The following UGGT2 variants were observed in gnomAD, a reference collection of about 807,000 sequenced individuals.
The protein encoded by UGGT2 is UDP-glucose:glycoprotein glucosyltransferase 2.
Under a neutral mutation model 192.1 loss-of-function variants are expected in UGGT2, and 180 were observed. The ratio of observed to expected loss-of-function variants is 0.94; its 90% CI spans 0.83 to 1.06. UGGT2 has a LOEUF of 1.06. Ranked by LOEUF, UGGT2 falls within the 50% of genes least tolerant of loss-of-function variation. The pLI is 0.00. For missense variants in UGGT2, 1,849 were observed against 1,795.7 expected (o/e 1.03, Z -0.54); for synonymous variants, 580 against 591.0 (o/e 0.98, Z 0.27).
At chr13:95,834,757 A>G (rs564277804) in intron 37 of UGGT2, among the ~76,000 whole-genome samples, 9 of 152,138 alleles carry the variant, frequency 5.9e-5, no homozygotes, top group Admixed American at 5.9e-4. Context: ...CAGGAATGCC[A>G]TTTCTCAGCT....
chr13:95,999,585 T>C (rs1168318617), intron 5 of UGGT2, among the ~76,000 whole-genome samples: 1 of 152,216 alleles, frequency 6.6e-6, no homozygotes, highest in Non-Finnish European at 1.5e-5. Context: ...CTTTTCCTGT[T>C]ATAACATGTC....
intron 23 of UGGT2, 23 bp from the exon 24 acceptor site, chr13:95,894,680 GTA>G (rs1447028101): frequency 1.9e-6 from 3 of 1,585,144 alleles, no homozygotes; most frequent in Non-Finnish European, 2.6e-6. Flanking sequence ...GACAAACAGT[GTA>G]TGAGTTTTTT....
At chr13:96,004,582 A>C (rs2051911239) in intron 5 of UGGT2, among the ~76,000 whole-genome samples, 1 of 152,112 alleles carries the variant, frequency 6.6e-6, no homozygotes. Context: ...GGTTAGTTAC[A>C]TATGTGCAGG....
intron 1 of UGGT2, among the ~76,000 whole-genome samples, chr13:96,035,414 AG>A (rs1267390725): frequency 6.6e-6 from 1 of 152,230 alleles, no homozygotes; most frequent in Non-Finnish European, 1.5e-5. Flanking sequence ...AATTAACTCA[AG>A]ATGAATTAGA....
chr13:95,893,080 T>C (rs2047847778), intron 24 of UGGT2, among the ~76,000 whole-genome samples: 1 of 152,150 alleles, frequency 6.6e-6, no homozygotes, highest in African/African-American at 2.4e-5. Flanking sequence ...AAAATATAAT[T>C]GTTTTTTCTC....
At chr13:95,867,682 A>G (rs761582278) in intron 29 of UGGT2, among the ~76,000 whole-genome samples, 7 of 152,184 alleles carry the variant, frequency 4.6e-5, no homozygotes, top group Non-Finnish European at 8.8e-5. Context: ...AATCACTCTG[A>G]AAGTTCAAAT....
Position 95,801,670 on chromosome 13 carries a change from A to G in UGGT2, c.*120T>C. ...TAAATAATTACAATTTTTTAAAATT[A>G]AAGAATATGTCACTGATCTTAACGA... is the stretch of plus-strand genomic sequence containing the variant. On this transcript the variant is annotated 3_prime_UTR_variant, in exon 39 of 39. Transcript: ENST00000376747. 2.1e-6 allele frequency: 2 copies of G among 952,774 alleles called. No individual in the cohort carries two copies. The highest frequency in any genetic ancestry group is 3.1e-6 in the Non-Finnish European group (2 of 639,450). 59.0% of individuals were successfully genotyped at this position (952,774 alleles called of 1,614,324 possible).
chr13:96,022,326 C>T (rs941949543), intron 4 of UGGT2, among the ~76,000 whole-genome samples: 6 of 151,746 alleles, frequency 4.0e-5, no homozygotes, highest in African/African-American at 1.2e-4. Context: ...CAATCAGGTT[C>T]GGGAAAAACT....
intron 31 of UGGT2, among the ~76,000 whole-genome samples, chr13:95,861,847 T>C (rs1363468648): frequency 2.0e-5 from 3 of 149,318 alleles, no homozygotes; most frequent in African/African-American, 7.7e-5. Context: ...AAAACTAAGA[T>C]GAAAAAAGTC....
intron 17 of UGGT2, among the ~76,000 whole-genome samples, chr13:95,934,925 T>C (rs567572002): frequency 1.3e-5 from 2 of 152,324 alleles, no homozygotes; most frequent in Non-Finnish European, 2.9e-5. Context: ...GAAGTATTTG[T>C]TTTACGAATC....
chr13:95,927,511 T>C (rs1364405883), intron 17 of UGGT2, among the ~76,000 whole-genome samples, 175 bp from the exon 18 acceptor site: 1 of 151,338 alleles, frequency 6.6e-6, no homozygotes, highest in Non-Finnish European at 1.5e-5. Context: ...GGTAAACATT[T>C]AATGAGCTCT....
At chr13:95,872,608 T>C (rs978741233) in intron 29 of UGGT2, among the ~76,000 whole-genome samples, 1 of 152,172 alleles carries the variant, frequency 6.6e-6, no homozygotes, top group African/African-American at 2.4e-5. Context: ...TAATCATATG[T>C]AGAATTAAAT....
rs762151537 is a variant in UGGT2 at position 95,863,654 on chromosome 13, T to C, written c.3619A>G (p.Lys1207Glu). ...DILTDEDEKT[K>E]GLWDSIKSFT... ...CTTTTAATGGAATCCCACAGTCCTT[T>C]TGTTTTTTCATCTTCATCGGTAAGG... The change falls in exon 31 of 39, where the codon AAA becomes GAA. Residue 1207 changes from lysine to glutamate, a missense_variant. Physicochemically the swap from Lys to Glu is moderately conservative, Grantham distance 56. Transcript: ENST00000376747. The C allele has an allele frequency of 6.2e-7, 1 of 1,612,418 alleles. No individual in the cohort carries two copies. The highest frequency in any genetic ancestry group is 8.5e-7 in the Non-Finnish European group (1 of 1,178,766).
chr13:95,984,153 T>C (rs61972949), intron 9 of UGGT2, among the ~76,000 whole-genome samples: 2,891 of 152,292 alleles, frequency 0.019, 39 homozygotes, highest in Non-Finnish European at 0.026. Context: ...AAAAGCTGTT[T>C]TGCGTTATTT....
chr13:95,909,632 C>T (rs113938781), intron 20 of UGGT2, among the ~76,000 whole-genome samples: 1 of 143,862 alleles, frequency 7.0e-6, no homozygotes, highest in African/African-American at 2.6e-5. Flanking sequence ...GGGATAGCAT[C>T]GGGAGATATA....
At chr13:95,861,963 T>A (rs1170875317) in intron 31 of UGGT2, among the ~76,000 whole-genome samples, 1 of 152,196 alleles carries the variant, frequency 6.6e-6, no homozygotes, top group Non-Finnish European at 1.5e-5. Flanking sequence ...ATCCTTTTAA[T>A]ATAGCAAGTG....
chr13:95,973,740 C>T (rs750415849), intron 10 of UGGT2, among the ~76,000 whole-genome samples: 6 of 152,152 alleles, frequency 3.9e-5, no homozygotes, highest in East Asian at 1.9e-4. Context: ...GAAGATCATG[C>T]TTGGTTTAAT....
At chr13:95,831,582 T>C (rs945832767) in intron 38 of UGGT2, among the ~76,000 whole-genome samples, 1 of 152,118 alleles carries the variant, frequency 6.6e-6, no homozygotes, top group Admixed American at 6.6e-5. Context: ...AACACCAATA[T>C]AGACATCATT....
At chr13:95,852,474 T>C (rs535628439) in intron 36 of UGGT2, among the ~76,000 whole-genome samples, 10 of 152,322 alleles carry the variant, frequency 6.6e-5, no homozygotes, top group African/African-American at 2.2e-4. Flanking sequence ...CATGCTTTCA[T>C]GGTTTTTCTC....
Sources: gnomAD v4.1 joint callset for allele counts (sites outside exome capture counted in the v4.1 genomes callset) on GRCh38, gnomAD v4.1.1 for gene constraint, MANE v1.5 for transcripts, NCBI Gene and HGNC (gene_info 2026-07-23, HGNC 2026-07-21) for gene names.